The following ASCC3 variants were observed in gnomAD, a reference collection of about 807,000 sequenced individuals.
ASCC3 encodes activating signal cointegrator 1 complex subunit 3, also known as ASC-1 complex subunit P200.
A neutral mutation model predicts 256.3 loss-of-function variants in ASCC3; 158 were observed. That is an observed-to-expected ratio of 0.62 (90% CI 0.54 to 0.70). The LOEUF is 0.70. Among genes scored for constraint, ASCC3 ranks in the 30% least tolerant of loss-of-function variants. The pLI, the probability that ASCC3 is intolerant of heterozygous loss-of-function variation, is 0.00. For missense variants in ASCC3, 2,259 were observed against 2,626.0 expected, an observed-to-expected ratio of 0.86 and a Z score of 3.05; for synonymous variants, 948 against 883.4, an observed-to-expected ratio of 1.07 and a Z score of -1.30.
intron 36 of ASCC3, among the ~76,000 whole-genome samples, chr6:100,540,625 GAGT>G (rs1370433063): frequency 3.3e-5 from 5 of 152,066 alleles, no homozygotes; most frequent in African/African-American, 9.7e-5. Flanking sequence ...AAAAATAACA[GAGT>G]ATTTACTAGG....
chr6:100,584,680 G>A (rs565851909), intron 36 of ASCC3, among the ~76,000 whole-genome samples: 18 of 152,096 alleles, frequency 1.2e-4, no homozygotes, highest in Non-Finnish European at 4.4e-5. Context: ...TCCTAGTCTC[G>A]ATGGTCTTTA....
rs768341027 is a variant in ASCC3, at chr6:100,509,954, A to G, written c.6439T>C (p.Tyr2147His). 1.9e-6 allele frequency: 3 copies of G among 1,613,974 alleles called. No individual in the cohort carries two copies. Among genetic ancestry groups the G allele is most frequent in the South Asian group, 1.1e-5 (1 of 91,072 alleles). ...RNHHVASLSFYTPEIPGRYIY... is the reference protein window; with the variant it reads ...RNHHVASLSFHTPEIPGRYIY... ...TACCTTCCAGGTATTTCAGGGGTAT[A>G]AAAAGAAAGGGAAGCAACATGATGA... Residue 2147 changes from tyrosine (Y) to histidine (H), a missense_variant, in exon 41 of 42, where the codon TAT (tyrosine) becomes CAT (histidine). By Grantham distance (83) the Tyr-to-His change is moderately conservative. Around this residue, in one of 2 missense-constraint regions of ASCC3, gnomAD observed 1,839 missense variants for 2,206.7 expected, o/e 0.83. Coordinates refer to ENST00000369162, the MANE Select transcript of ASCC3 (RefSeq NM_006828.4).
chr6:100,574,831 T>C (rs958924843), intron 36 of ASCC3, among the ~76,000 whole-genome samples: 1 of 152,088 alleles, frequency 6.6e-6, no homozygotes, highest in Non-Finnish European at 1.5e-5. Flanking sequence ...AGGACTTCTA[T>C]CGGGAAAATA....
chr6:100,698,408 A>G (rs187817169), intron 13 of ASCC3, among the ~76,000 whole-genome samples: 63 of 152,296 alleles, frequency 4.1e-4, no homozygotes, highest in African/African-American at 1.2e-3. Context: ...TAAGCTAGCT[A>G]TATTTCAGAA....
intron 26 of ASCC3, among the ~76,000 whole-genome samples, chr6:100,630,868 T>G (rs886479411): frequency 1.5e-4 from 23 of 152,100 alleles, no homozygotes; most frequent in Non-Finnish European, 4.4e-5. Flanking sequence ...AAAGTTATCC[T>G]GCCAAATAAA....
chr6:100,527,144 T>C (rs1774615782), intron 37 of ASCC3, among the ~76,000 whole-genome samples: 3 of 152,190 alleles, frequency 2.0e-5, no homozygotes, highest in African/African-American at 2.4e-5. Flanking sequence ...GTTTCCAGCA[T>C]ACTTTAGATG....
intron 16 of ASCC3, among the ~76,000 whole-genome samples, chr6:100,657,533 T>A (rs1775978462): frequency 6.6e-6 from 1 of 151,514 alleles, no homozygotes. Flanking sequence ...ATTCCCATCA[T>A]GACTTTATGA....
intron 30 of ASCC3, among the ~76,000 whole-genome samples, chr6:100,613,520 T>C (rs1340321775): frequency 6.6e-6 from 1 of 152,150 alleles, no homozygotes; most frequent in Non-Finnish European, 1.5e-5. Flanking sequence ...ATTTTGTATA[T>C]ATACATTTTC....
chr6:100,544,999 C>G (rs1245849782), intron 36 of ASCC3, among the ~76,000 whole-genome samples: 1 of 152,018 alleles, frequency 6.6e-6, no homozygotes, highest in Non-Finnish European at 1.5e-5. Flanking sequence ...TGGTTAAACA[C>G]TCAAACATCA....
At chr6:100,842,869 G>T (rs1408713328) in intron 4 of ASCC3, among the ~76,000 whole-genome samples, 1 of 151,968 alleles carries the variant, frequency 6.6e-6, no homozygotes, top group East Asian at 1.9e-4. Flanking sequence ...TAGCTACTAG[G>T]GAGTCTGAGG....
chr6:100,608,080 G>GTATATATCGATATACACATATATATT (rs1554200725), intron 30 of ASCC3, among the ~76,000 whole-genome samples: 1 of 84,868 alleles, frequency 1.2e-5, no homozygotes, highest in African/African-American at 4.9e-5. Flanking sequence ...ACATATATAT[G>GTATATATCGATATACACATATATATT]TATATATATC....
chr6:100,602,020 T>G, intron 33 of ASCC3, 85 bp from the exon 34 acceptor site: 1 of 1,473,134 alleles, frequency 6.8e-7, no homozygotes, highest in Non-Finnish European at 9.3e-7. Context: ...AAGATTCAGA[T>G]TTTATGTTCT....
intron 25 of ASCC3, among the ~76,000 whole-genome samples, chr6:100,635,831 T>A: frequency 6.6e-6 from 1 of 152,118 alleles, no homozygotes; most frequent in East Asian, 1.9e-4. Context: ...TTTGTAGAAG[T>A]CATATAAAAG....
intron 36 of ASCC3, among the ~76,000 whole-genome samples, chr6:100,585,216 C>G (rs186110107): frequency 6.6e-5 from 10 of 152,300 alleles, no homozygotes; most frequent in African/African-American, 2.4e-4. Context: ...TTCAGGTACA[C>G]CAATCAGACG....
chr6:100,811,873 T>C (rs1770486781), intron 4 of ASCC3, among the ~76,000 whole-genome samples: 1 of 152,128 alleles, frequency 6.6e-6, no homozygotes, highest in Non-Finnish European at 1.5e-5. Flanking sequence ...ACCTCTAAAA[T>C]CATTCTTTCA....
intron 39 of ASCC3, among the ~76,000 whole-genome samples, chr6:100,515,812 C>T (rs1413441685): frequency 3.3e-5 from 5 of 152,064 alleles, no homozygotes; most frequent in African/African-American, 7.2e-5. Flanking sequence ...ATAATGCAGA[C>T]GAGTGATGGA....
At chr6:100,820,125 CT>C (rs1282871153) in intron 4 of ASCC3, among the ~76,000 whole-genome samples, 1 of 152,132 alleles carries the variant, frequency 6.6e-6, no homozygotes, top group Non-Finnish European at 1.5e-5. Flanking sequence ...CAGGTGACTT[CT>C]TCATAGAAAT....
At chr6:100,681,725 C>CAAAAAAAA (rs10696130) in intron 13 of ASCC3, among the ~76,000 whole-genome samples, 6 of 58,648 alleles carry the variant, frequency 1.0e-4, no homozygotes, top group African/African-American at 3.7e-4. Context: ...GACTCCGTCT[C>CAAAAAAAA]AAAAAAAAAA....
In ASCC3 at chr6:100,601,796, G is replaced by A. The variant is rs184306189; in HGVS notation, c.5303+14C>T. On this transcript the variant is annotated intron_variant, in intron 34 of 41. Transcript: ENST00000369162. ...GGGCAAAACAGAAAGGTATATAACT[G>A]CCCTTGCACTTACCTGGGATTCATG... is the stretch of plus-strand genomic sequence containing the variant. The A allele has an allele frequency of 1.1e-5, 17 of 1,611,492 alleles. No individual in the cohort carries two copies. In the African/African-American group the frequency reaches 2.0e-4, roughly 19 times the overall value.
Sources: gnomAD v4.1 joint callset for allele counts (sites outside exome capture counted in the v4.1 genomes callset) on GRCh38, gnomAD v4.1.1 for gene constraint, gnomAD v4.1.1 regional missense constraint, MANE v1.5 for transcripts, NCBI Gene and HGNC (gene_info 2026-07-23, HGNC 2026-07-21) for gene names.